The following RBM20 variants were observed in gnomAD, a reference collection of about 807,000 sequenced individuals.
RBM20 encodes the protein RNA binding motif protein 20, also known as RNA-binding protein 20.
A neutral mutation model predicts 110.1 loss-of-function variants in RBM20; 51 were observed. That is an observed-to-expected ratio of 0.46 (90% CI 0.37 to 0.59). The LOEUF (loss-of-function observed/expected upper bound fraction) is 0.59, where lower values mean the gene tolerates loss of function less well. Among genes scored for constraint, RBM20 ranks in the 20% least tolerant of loss-of-function variants. RBM20 has a pLI of 0.00. For missense variants in RBM20, 1,512 were observed against 1,574.9 expected (o/e 0.96, Z 0.68); for synonymous variants, 589 against 618.2 (o/e 0.95, Z 0.70).
Position 110,723,915 on chromosome 10 carries a change from A to G in RBM20, c.192-56886A>G, listed in dbSNP as rs186315689. On this transcript the variant is annotated intron_variant, in intron 1 of 13. Transcript: ENST00000369519. ...AAGTGTTGGGCTTGAGTTTTACTTCAATTATAGGCTTATCTTTTCTTCCAT... is the reference window on the plus strand; with the variant it reads ...AAGTGTTGGGCTTGAGTTTTACTTCGATTATAGGCTTATCTTTTCTTCCAT... 2.9e-3 allele frequency among the ~76,000 whole-genome samples: 436 copies of G among 152,244 alleles called. 6 individuals are homozygous for G. The highest frequency in any genetic ancestry group is 9.7e-3 in the African/African-American group (403 of 41,552).
chr10:110,775,676 G>A (rs529968671), intron 1 of RBM20, among the ~76,000 whole-genome samples: 1 of 152,260 alleles, frequency 6.6e-6, no homozygotes, highest in Non-Finnish European at 1.5e-5. Context: ...TCCAACTACT[G>A]GGTCCTCACA....
chr10:110,732,202 G>A (rs186891035), intron 1 of RBM20, among the ~76,000 whole-genome samples: 1 of 152,126 alleles, frequency 6.6e-6, no homozygotes, highest in East Asian at 1.9e-4. Context: ...TGGTTTATCT[G>A]TTTCATGGTC....
chr10:110,720,438 C>T (rs539517460), intron 1 of RBM20, among the ~76,000 whole-genome samples: 1 of 152,206 alleles, frequency 6.6e-6, no homozygotes, highest in Non-Finnish European at 1.5e-5. Context: ...GCAGTGCAAC[C>T]GCGGGACTGG....
chr10:110,646,463 G>A (rs1339237699), intron 1 of RBM20, among the ~76,000 whole-genome samples: 3 of 152,156 alleles, frequency 2.0e-5, no homozygotes, highest in Non-Finnish European at 4.4e-5. Flanking sequence ...TACTTGAAGG[G>A]CAGGATGGAG....
chr10:110,798,438 GT>G (rs1424533726), intron 6 of RBM20, among the ~76,000 whole-genome samples: 6 of 152,182 alleles, frequency 3.9e-5, no homozygotes, highest in Non-Finnish European at 4.4e-5. Flanking sequence ...ACTTGTCTCT[GT>G]TCCTACTTCT....
chr10:110,720,117 C>G (rs1843487146), intron 1 of RBM20, among the ~76,000 whole-genome samples: 1 of 152,156 alleles, frequency 6.6e-6, no homozygotes, highest in Admixed American at 6.6e-5. Context: ...CTAATCACCT[C>G]CTAAAGCCCT....
chr10:110,782,589 C>T (rs1214155378), intron 2 of RBM20, among the ~76,000 whole-genome samples: 1 of 152,160 alleles, frequency 6.6e-6, no homozygotes, highest in Non-Finnish European at 1.5e-5. Context: ...TTATGATTTT[C>T]ATTTTACAGA....
chr10:110,689,482 G>A (rs985136875), intron 1 of RBM20, among the ~76,000 whole-genome samples: 2 of 152,224 alleles, frequency 1.3e-5, no homozygotes, highest in African/African-American at 4.8e-5. Context: ...CAGCTCTATT[G>A]GCCGGAGCTC....
In RBM20 at chr10:110,781,316, C is replaced by A. The variant is rs548382173; in HGVS notation, c.707C>A (p.Ser236Tyr). The A allele has an allele frequency of 1.2e-5, 18 of 1,551,738 alleles. No homozygotes were observed. Among genetic ancestry groups the A allele is most frequent in the Non-Finnish European group, 1.5e-5 (17 of 1,147,004 alleles). Residue 236 changes from serine to tyrosine, a missense_variant, in exon 2 of 14, where the codon TCT becomes TAT. By Grantham distance (144) the Ser-to-Tyr change is moderately radical (BLOSUM62 -2). Around this residue, in one of 3 missense-constraint regions of RBM20, gnomAD observed 1,149 missense variants for 1,169.4 expected, o/e 0.98. Transcript: ENST00000369519. ...AGFYEYGKAS[S>Y]GQTYGPETDG... is the part of the protein sequence containing the mutation. ...TTCTATGAGTATGGCAAAGCCAGCTCTGGCCAGACATATGGCCCTGAAACA... is the reference window on the plus strand; with the variant it reads ...TTCTATGAGTATGGCAAAGCCAGCTATGGCCAGACATATGGCCCTGAAACA...
chr10:110,707,350 G>T (rs4918570), intron 1 of RBM20, among the ~76,000 whole-genome samples: 2 of 151,850 alleles, frequency 1.3e-5, no homozygotes, highest in Non-Finnish European at 2.9e-5. Context: ...TTACAATATT[G>T]GCTGCATAGC....
intron 1 of RBM20, among the ~76,000 whole-genome samples, chr10:110,665,158 A>G (rs1217591665): frequency 6.6e-6 from 1 of 152,186 alleles, no homozygotes. Flanking sequence ...TACAGGCATG[A>G]GTCACCATGA....
intron 1 of RBM20, among the ~76,000 whole-genome samples, chr10:110,703,150 G>A (rs1433599716): frequency 1.3e-5 from 2 of 151,822 alleles, no homozygotes; most frequent in African/African-American, 2.4e-5. Flanking sequence ...GCCAAGGCGG[G>A]TGGATCACCT....
intron 7 of RBM20, among the ~76,000 whole-genome samples, chr10:110,802,492 C>T (rs1245829371): frequency 6.6e-6 from 1 of 151,738 alleles, no homozygotes. Context: ...GGATTCTTCC[C>T]TGGGGGCTGG....
intron 1 of RBM20, among the ~76,000 whole-genome samples, chr10:110,778,726 A>G (rs1844299012): frequency 6.6e-6 from 1 of 152,204 alleles, no homozygotes; most frequent in Non-Finnish European, 1.5e-5. Flanking sequence ...CACTTTTCAG[A>G]GGGGAATTTA....
At chr10:110,794,915 T>C (rs1185180207) in intron 5 of RBM20, among the ~76,000 whole-genome samples, 3 of 152,242 alleles carry the variant, frequency 2.0e-5, no homozygotes, top group Admixed American at 2.0e-4. Context: ...TAAAAGCCTC[T>C]TGAGTTGTCC....
chr10:110,722,930 G>C (rs924959743), intron 1 of RBM20, among the ~76,000 whole-genome samples: 2 of 152,058 alleles, frequency 1.3e-5, no homozygotes, highest in African/African-American at 4.8e-5. Context: ...TGGCCAAAAA[G>C]GCAAAACTCT....
Position 110,835,967 on chromosome 10 carries a change from A to G in RBM20, c.3673A>G (p.Lys1225Glu). Residue 1225 changes from lysine to glutamate, a missense_variant, in exon 14 of 14, where the codon AAA becomes GAA. By Grantham distance (56) the Lys-to-Glu change is moderately conservative (BLOSUM62 1). This residue lies in a region of RBM20 where 358 missense variants were observed against 384.2 expected (regional missense o/e 0.93). Coordinates refer to ENST00000369519, the MANE Select transcript of RBM20 (RefSeq NM_001134363.3). ...DSGIVPRFER[K>E]KL ...CGGAATCGTGCCACGCTTCGAAAGG[A>G]AAAAGCTCTGATGCTTCTGCTTCTG... is the stretch of plus-strand genomic sequence containing the variant. 1 of 1,211,598 alleles carries G rather than the reference A, an allele frequency of 8.3e-7. No homozygotes were observed. Among genetic ancestry groups the G allele is most frequent in the Non-Finnish European group, 1.2e-6 (1 of 845,934 alleles). 75.1% of individuals were successfully genotyped at this position (1,211,598 alleles called of 1,614,324 possible).
At chr10:110,767,738 G>T (rs1181033485) in intron 1 of RBM20, among the ~76,000 whole-genome samples, 2 of 152,208 alleles carry the variant, frequency 1.3e-5, no homozygotes, top group East Asian at 3.9e-4. Context: ...ATGGGCGGCC[G>T]GGCAGAGACG....
At chr10:110,765,475 T>C (rs748715749) in intron 1 of RBM20, among the ~76,000 whole-genome samples, 10 of 152,172 alleles carry the variant, frequency 6.6e-5, no homozygotes, top group Non-Finnish European at 1.2e-4. Flanking sequence ...CTCTTAGGTA[T>C]CTTTAAGTAA....
Sources: gnomAD v4.1 joint callset for allele counts (sites outside exome capture counted in the v4.1 genomes callset) on GRCh38, gnomAD v4.1.1 for gene constraint, gnomAD v4.1.1 regional missense constraint, MANE v1.5 for transcripts, NCBI Gene and HGNC (gene_info 2026-07-23, HGNC 2026-07-21) for gene names.